Variants in SLC35F1 observed in about 807,000 individuals in gnomAD.
The protein encoded by SLC35F1 is chromosome 6 open reading frame 169.
SLC35F1 carries 14 observed loss-of-function variants against 48.7 expected under a neutral mutation model. The observed-to-expected ratio is 0.29, with a 90% confidence interval of 0.19 to 0.45. The LOEUF (loss-of-function observed/expected upper bound fraction) is 0.45. Among genes scored for constraint, SLC35F1 ranks in the 20% least tolerant of loss-of-function variants. The pLI is 1.00. For synonymous variants in SLC35F1, 190 were observed against 202.2 expected (o/e 0.94, Z 0.51); for missense variants, 404 against 500.0 (o/e 0.81, Z 1.83).
At chr6:118,256,167 C>T (rs186536182) in intron 3 of SLC35F1, among the ~76,000 whole-genome samples, 5 of 151,526 alleles carry the variant, frequency 3.3e-5, no homozygotes, top group East Asian at 1.9e-4. Context: ...ATATTTTCTA[C>T]TCTCTTCAGC....
intron 1 of SLC35F1, among the ~76,000 whole-genome samples, chr6:118,098,855 A>G (rs1019514898): frequency 6.6e-6 from 1 of 152,206 alleles, no homozygotes; most frequent in Non-Finnish European, 1.5e-5. Context: ...TTAGTAACAC[A>G]CATGAAGAGG....
chr6:118,288,443 A>G (rs1256956451), intron 7 of SLC35F1, among the ~76,000 whole-genome samples: 1 of 152,234 alleles, frequency 6.6e-6, no homozygotes, highest in Non-Finnish European at 1.5e-5. Context: ...AACTCAAAGC[A>G]GAGGCTTCCA....
intron 1 of SLC35F1, among the ~76,000 whole-genome samples, chr6:118,071,465 T>C (rs1772723084): frequency 6.6e-6 from 1 of 152,078 alleles, no homozygotes; most frequent in Non-Finnish European, 1.5e-5. Context: ...GCTCCAATTA[T>C]GGTTGTTCCT....
At chr6:118,304,894 A>G (rs917968293) in intron 7 of SLC35F1, among the ~76,000 whole-genome samples, 2 of 150,906 alleles carry the variant, frequency 1.3e-5, no homozygotes, top group Non-Finnish European at 2.9e-5. Context: ...AGCTCATATC[A>G]TGAAACACCA....
At position 118,048,715 on chromosome 6, in the gene SLC35F1, GAT is replaced by G. The variant is rs1289642284; in HGVS notation, c.174-105728_174-105727del. ...AGCACTGCTCAAAGAAATAAAAGAG[GAT>G]ACAAACAAATGGAAGAACATTCCAT... On this transcript the variant is annotated intron_variant, in intron 1 of 7. Coordinates refer to ENST00000360388, the MANE Select transcript of SLC35F1 (RefSeq NM_001029858.4). 3.9e-5 allele frequency among the ~76,000 whole-genome samples: 6 copies of G among 152,184 alleles called. No individual in the cohort carries two copies. In the East Asian group the frequency reaches 1.2e-3, roughly 29 times the overall value.
chr6:118,283,056 C>T (rs572671426), intron 6 of SLC35F1, among the ~76,000 whole-genome samples: 1 of 152,310 alleles, frequency 6.6e-6, no homozygotes, highest in South Asian at 2.1e-4. Flanking sequence ...ATACACATTC[C>T]TTTCTGAGAC....
intron 1 of SLC35F1, among the ~76,000 whole-genome samples, chr6:118,013,042 A>G (rs1383703908): frequency 6.6e-6 from 1 of 152,094 alleles, no homozygotes; most frequent in Non-Finnish European, 1.5e-5. Context: ...CTTAAATATT[A>G]ATAGCATCAC....
chr6:117,914,300 A>G (rs1775801684), intron 1 of SLC35F1, among the ~76,000 whole-genome samples: 1 of 151,988 alleles, frequency 6.6e-6, no homozygotes, highest in South Asian at 2.1e-4. Context: ...GCAAGTTCCG[A>G]GATTATAAGC....
rs546066013 is a variant in SLC35F1, at chr6:118,315,074, T to C, written c.*822T>C. On this transcript the variant is annotated 3_prime_UTR_variant, in exon 8 of 8. Transcript: ENST00000360388. ...TTGTGTTTAGGACAATATATAATTA[T>C]AAAATCTTTCTGCTCCTCCCTGTAG... is the stretch of plus-strand genomic sequence containing the variant. 1 of 152,748 alleles carries C rather than the reference T, an allele frequency of 6.5e-6. No homozygotes were observed. Among genetic ancestry groups the C allele is most frequent in the Non-Finnish European group, 1.5e-5 (1 of 68,032 alleles). 9.5% of individuals were successfully genotyped at this position (152,748 alleles called of 1,614,324 possible).
At chr6:118,178,345 G>C (rs1056093495) in intron 2 of SLC35F1, among the ~76,000 whole-genome samples, 3 of 152,000 alleles carry the variant, frequency 2.0e-5, no homozygotes, top group African/African-American at 7.2e-5. Flanking sequence ...AAGATCCTGT[G>C]TTCCTACAGC....
intron 1 of SLC35F1, among the ~76,000 whole-genome samples, chr6:117,964,256 C>G (rs1400049480): frequency 6.6e-6 from 1 of 152,202 alleles, no homozygotes; most frequent in African/African-American, 2.4e-5. Flanking sequence ...CCTGTGCTTT[C>G]TCATGTTCTC....
chr6:118,013,734 T>G (rs1167336032), intron 1 of SLC35F1, among the ~76,000 whole-genome samples: 1 of 152,216 alleles, frequency 6.6e-6, no homozygotes. Context: ...TTGAATTGAC[T>G]GATTTGATTG....
intron 2 of SLC35F1, among the ~76,000 whole-genome samples, chr6:118,206,150 A>G (rs1336627081): frequency 6.6e-6 from 1 of 152,254 alleles, no homozygotes; most frequent in Non-Finnish European, 1.5e-5. Context: ...AAAAATAGTT[A>G]AAATGATTAA....
At position 118,278,240 on chromosome 6, in the gene SLC35F1, G is replaced by A. The variant is rs190847498; in HGVS notation, c.847+694G>A. 1.5e-3 allele frequency among the ~76,000 whole-genome samples: 224 copies of A among 152,310 alleles called. 4 individuals are homozygous for A. The highest frequency in any genetic ancestry group is 0.013 in the Admixed American group (196 of 15,308). On this transcript the variant is annotated intron_variant, in intron 6 of 7. Transcript: ENST00000360388. ...GACTGACATTTGCTACCCTCAGAAG[G>A]TGTCTCCACAGTGAGCACAGAACGT...
chr6:117,919,078 T>G (rs1490352363), intron 1 of SLC35F1, among the ~76,000 whole-genome samples: 1 of 151,966 alleles, frequency 6.6e-6, no homozygotes, highest in Non-Finnish European at 1.5e-5. Context: ...AATTTTTTTT[T>G]GTAGAGATGT....
rs534425122 is a variant in SLC35F1, at chr6:118,087,623, A to T, written c.174-66822A>T. Among the ~76,000 whole-genome samples, 9 of 152,080 alleles carry T rather than the reference A, an allele frequency of 5.9e-5. No homozygotes were observed. In the South Asian group the frequency reaches 1.7e-3, roughly 28 times the overall value. On this transcript the variant is annotated intron_variant, in intron 1 of 7. Coordinates refer to ENST00000360388, the MANE Select transcript of SLC35F1 (RefSeq NM_001029858.4). ...AATGTTCCAAGACAGAATTCACTGGACCCTCCTCTGCCTACCTCTCCAAAA... is the reference window on the plus strand; with the variant it reads ...AATGTTCCAAGACAGAATTCACTGGTCCCTCCTCTGCCTACCTCTCCAAAA...
chr6:118,169,876 A>G (rs1278031438), intron 2 of SLC35F1, among the ~76,000 whole-genome samples: 1 of 152,228 alleles, frequency 6.6e-6, no homozygotes, highest in Non-Finnish European at 1.5e-5. Context: ...AAGATCTTTT[A>G]ATAAGGATTC....
chr6:118,169,503 A>G (rs973552075), intron 2 of SLC35F1, among the ~76,000 whole-genome samples: 4 of 152,204 alleles, frequency 2.6e-5, no homozygotes, highest in South Asian at 2.1e-4. Flanking sequence ...GTTAAATTTC[A>G]TGATGATCTA....
At chr6:118,006,917 T>C (rs1437701699) in intron 1 of SLC35F1, among the ~76,000 whole-genome samples, 1 of 152,142 alleles carries the variant, frequency 6.6e-6, no homozygotes, top group Non-Finnish European at 1.5e-5. Flanking sequence ...GTTAATAACT[T>C]TAGACTACAA....
Sources: allele counts gnomAD v4.1 joint callset (sites outside exome capture counted in the v4.1 genomes callset), GRCh38; gene constraint gnomAD v4.1.1; transcripts MANE v1.5; gene names NCBI Gene and HGNC (gene_info 2026-07-23, HGNC 2026-07-21).